PCDH9: variants seen among roughly 807,000 people sequenced by gnomAD.
PCDH9 encodes the protein protocadherin-9.
Under a neutral mutation model 70.6 loss-of-function variants are expected in PCDH9, and 24 were observed. That is an observed-to-expected ratio of 0.34 (90% confidence interval 0.25 to 0.48). The LOEUF (loss-of-function observed/expected upper bound fraction) is 0.48, where lower values mean the gene tolerates loss of function less well. Among genes scored for constraint, PCDH9 ranks in the 20% least tolerant of loss-of-function variants. PCDH9 has a pLI of 0.99. For missense variants in PCDH9, 1,281 were observed against 1,503.6 expected (o/e 0.85, Z 2.45); for synonymous variants, 562 against 558.5 (o/e 1.01, Z -0.09).
At chr13:66,862,767 G>T (rs994047322) in intron 3 of PCDH9, among the ~76,000 whole-genome samples, 1 of 152,032 alleles carries the variant, frequency 6.6e-6, no homozygotes, top group African/African-American at 2.4e-5. Flanking sequence ...TCATTGTTGT[G>T]TCTATCATTC....
chr13:66,373,036 G>A (rs1022169532), intron 4 of PCDH9, among the ~76,000 whole-genome samples: 2 of 151,924 alleles, frequency 1.3e-5, no homozygotes, highest in African/African-American at 4.8e-5. Flanking sequence ...GTAAATTAGT[G>A]TTATAGCAAC....
At chr13:66,868,756 T>C (rs1370091896) in intron 3 of PCDH9, among the ~76,000 whole-genome samples, 1 of 152,154 alleles carries the variant, frequency 6.6e-6, no homozygotes, top group Non-Finnish European at 1.5e-5. Context: ...TCCTAGTTGG[T>C]AAATTTTGTT....
intron 3 of PCDH9, among the ~76,000 whole-genome samples, chr13:66,709,795 T>G (rs762019349): frequency 6.6e-6 from 1 of 152,160 alleles, no homozygotes; most frequent in Non-Finnish European, 1.5e-5. Context: ...ACAGGCAGGT[T>G]TAATGGAATA....
In PCDH9 at chr13:66,304,428, G is replaced by C. The variant is rs984670304; in HGVS notation, c.*227C>G. On this transcript the variant is annotated 3_prime_UTR_variant, in exon 5 of 5. Transcript: ENST00000377865. ...TAATAAAAAAAATTTGCACAATGGAGAGATCTCTGGAGAGTGTAATCAATT... is the reference window on the plus strand; with the variant it reads ...TAATAAAAAAAATTTGCACAATGGACAGATCTCTGGAGAGTGTAATCAATT... 4.3e-6 allele frequency: 2 copies of C among 461,268 alleles called. No individual in the cohort carries two copies. Among genetic ancestry groups the C allele is most frequent in the Non-Finnish European group, 7.7e-6 (2 of 260,310 alleles). The allele number at this position is 461,268 out of a possible 1,614,324, so 28.6% of individuals were successfully genotyped here.
chr13:66,706,974 G>A (rs185351878), intron 3 of PCDH9, among the ~76,000 whole-genome samples: 3 of 152,230 alleles, frequency 2.0e-5, no homozygotes, highest in South Asian at 2.1e-4. Flanking sequence ...TAGGGACACC[G>A]GGCTGGGGAC....
intron 4 of PCDH9, among the ~76,000 whole-genome samples, chr13:66,413,410 T>G (rs9529058): frequency 0.49 from 74,430 of 151,986 alleles, 18,290 homozygotes; most frequent in South Asian, 0.54. Flanking sequence ...AACTTGGCCT[T>G]GCGTGGTGGC....
At chr13:66,388,555 T>C (rs539431768) in intron 4 of PCDH9, among the ~76,000 whole-genome samples, 1 of 152,174 alleles carries the variant, frequency 6.6e-6, no homozygotes, top group East Asian at 1.9e-4. Flanking sequence ...GAGAAGTTTA[T>C]AGTTTACAGT....
intron 2 of PCDH9, among the ~76,000 whole-genome samples, chr13:67,023,908 A>T (rs1385217537): frequency 1.3e-5 from 2 of 152,100 alleles, no homozygotes; most frequent in Admixed American, 6.6e-5. Flanking sequence ...TCAATAACAG[A>T]CCAAACTGTA....
At chr13:66,411,224 C>A (rs78190237) in intron 4 of PCDH9, among the ~76,000 whole-genome samples, 7 of 152,114 alleles carry the variant, frequency 4.6e-5, no homozygotes, top group Non-Finnish European at 8.8e-5. Flanking sequence ...CACTTCTTTA[C>A]GCAGTGGCTT....
intron 4 of PCDH9, among the ~76,000 whole-genome samples, chr13:66,561,968 G>A (rs889449797): frequency 6.6e-6 from 1 of 151,824 alleles, no homozygotes; most frequent in Non-Finnish European, 1.5e-5. Flanking sequence ...GAGCTGTAAC[G>A]CTCACCACAA....
At chr13:67,172,425 T>C (rs1263157462) in intron 2 of PCDH9, among the ~76,000 whole-genome samples, 1 of 152,128 alleles carries the variant, frequency 6.6e-6, no homozygotes, top group Non-Finnish European at 1.5e-5. Context: ...AAGTATATAA[T>C]TATAACTAAA....
At chr13:66,363,409 A>G (rs1956503470) in intron 4 of PCDH9, among the ~76,000 whole-genome samples, 1 of 152,240 alleles carries the variant, frequency 6.6e-6, no homozygotes, top group Non-Finnish European at 1.5e-5. Flanking sequence ...CTTAAGCATT[A>G]GCTGGAAATG....
chr13:66,919,238 C>G (rs2082602908), intron 2 of PCDH9, among the ~76,000 whole-genome samples: 1 of 151,184 alleles, frequency 6.6e-6, no homozygotes. Flanking sequence ...ACTAATTGTT[C>G]TATGCTTCAT....
intron 2 of PCDH9, among the ~76,000 whole-genome samples, chr13:67,001,536 C>A (rs2084244349): frequency 6.6e-6 from 1 of 151,660 alleles, no homozygotes; most frequent in South Asian, 2.1e-4. Flanking sequence ...CTTGGTACAG[C>A]ATTCTAAGTA....
At chr13:66,743,421 C>A (rs1443354987) in intron 3 of PCDH9, among the ~76,000 whole-genome samples, 2 of 146,218 alleles carry the variant, frequency 1.4e-5, no homozygotes, top group Admixed American at 6.9e-5. Context: ...GTGCAGCGCA[C>A]CAGCATGGCA....
chr13:66,938,871 A>G (rs2082960451), intron 2 of PCDH9, among the ~76,000 whole-genome samples: 1 of 152,238 alleles, frequency 6.6e-6, no homozygotes, highest in Admixed American at 6.5e-5. Context: ...ATATGTGCAC[A>G]CATATCACAA....
chr13:67,090,556 G>A (rs1310677739), intron 2 of PCDH9, among the ~76,000 whole-genome samples: 1 of 151,672 alleles, frequency 6.6e-6, no homozygotes, highest in Non-Finnish European at 1.5e-5. Flanking sequence ...AAATTGGAGT[G>A]AATAAAGAAT....
At chr13:67,043,800 T>G (rs548821136) in intron 2 of PCDH9, among the ~76,000 whole-genome samples, 2 of 152,208 alleles carry the variant, frequency 1.3e-5, no homozygotes, top group Admixed American at 6.5e-5. Flanking sequence ...ATAGGATGGC[T>G]TCCAGTACAA....
At chr13:66,848,718 T>G (rs1048658332) in intron 3 of PCDH9, among the ~76,000 whole-genome samples, 13 of 151,500 alleles carry the variant, frequency 8.6e-5, no homozygotes, top group East Asian at 1.9e-4. Context: ...CACGAGGTCA[T>G]GAGAGCGAGA....
Sources: allele counts gnomAD v4.1 joint callset (sites outside exome capture counted in the v4.1 genomes callset), GRCh38; gene constraint gnomAD v4.1.1; transcripts MANE v1.5; gene names NCBI Gene and HGNC (gene_info 2026-07-23, HGNC 2026-07-21).